TAFA1: variants seen among roughly 807,000 people sequenced by gnomAD.
TAFA1 encodes TAFA chemokine like family member 1.
Under a neutral mutation model 18.5 loss-of-function variants are expected in TAFA1, and 4 were observed. The observed-to-expected ratio is 0.22, with a 90% CI of 0.11 to 0.49. TAFA1 has a LOEUF of 0.49. TAFA1 is among the 20% of genes least tolerant of loss of function. The pLI, the probability that TAFA1 is intolerant of heterozygous loss-of-function variation, is 0.98. For missense variants in TAFA1, 147 were observed against 169.0 expected, an observed-to-expected ratio of 0.87 and a Z score of 0.72; for synonymous variants, 56 against 55.2, an observed-to-expected ratio of 1.01 and a Z score of -0.06.
intron 2 of TAFA1, among the ~76,000 whole-genome samples, chr3:68,097,359 A>G (rs1575614532): frequency 6.6e-6 from 1 of 152,092 alleles, no homozygotes; most frequent in East Asian, 1.9e-4. Context: ...GTTTGTTTCT[A>G]CTTATGTGAG....
chr3:68,418,265 G>A (rs778941472), intron 3 of TAFA1, among the ~76,000 whole-genome samples: 12 of 152,166 alleles, frequency 7.9e-5, no homozygotes, highest in Middle Eastern at 3.4e-3. Context: ...TAAGGGTGGG[G>A]CCGTTTTATA....
chr3:68,024,380 C>G (rs1704766765), intron 2 of TAFA1, among the ~76,000 whole-genome samples: 2 of 152,240 alleles, frequency 1.3e-5, no homozygotes, highest in South Asian at 4.1e-4. Context: ...TTTTCAAACC[C>G]TACGAGTATG....
chr3:68,062,869 T>C (rs1011768928), intron 2 of TAFA1, among the ~76,000 whole-genome samples: 7 of 152,138 alleles, frequency 4.6e-5, no homozygotes, highest in Admixed American at 3.9e-4. Flanking sequence ...TCTGGGGAAA[T>C]AGTGACACCA....
At chr3:68,471,892 C>T (rs777303651) in intron 3 of TAFA1, among the ~76,000 whole-genome samples, 8 of 152,142 alleles carry the variant, frequency 5.3e-5, no homozygotes, top group Non-Finnish European at 1.0e-4. Context: ...TGAGTGTACC[C>T]CCATTGTATC....
intron 2 of TAFA1, among the ~76,000 whole-genome samples, chr3:68,251,437 A>T (rs1441765861): frequency 2.0e-5 from 3 of 152,202 alleles, no homozygotes; most frequent in Non-Finnish European, 4.4e-5. Flanking sequence ...TTTTCATTTC[A>T]TTCATTCATT....
rs116068364 is a variant in TAFA1 at position 68,447,127 on chromosome 3, G to C, written c.259+29707G>C. Among the ~76,000 whole-genome samples the C allele has an allele frequency of 9.7e-3, 1,476 of 152,264 alleles. 10 individuals are homozygous for C. The highest frequency in any genetic ancestry group is 0.015 in the Non-Finnish European group (1,031 of 68,006). On this transcript the variant is annotated intron_variant, in intron 3 of 4. Transcript: ENST00000478136. ...ATATTTTAAAAGTGGGTAAAGAAAAGTGAGCTAGCATTTGTTAAATATCCA... is the reference window on the plus strand; with the variant it reads ...ATATTTTAAAAGTGGGTAAAGAAAACTGAGCTAGCATTTGTTAAATATCCA...
At chr3:68,363,595 A>G (rs560119400) in intron 2 of TAFA1, among the ~76,000 whole-genome samples, 1 of 152,174 alleles carries the variant, frequency 6.6e-6, no homozygotes, top group Non-Finnish European at 1.5e-5. Flanking sequence ...GCATTTTTTA[A>G]TTCTTCTAAC....
At chr3:68,120,209 CTT>C (rs1196479990) in intron 2 of TAFA1, among the ~76,000 whole-genome samples, 1 of 115,888 alleles carries the variant, frequency 8.6e-6, no homozygotes, top group African/African-American at 3.6e-5. Context: ...TTCTTTCTTT[CTT>C]TCTTTCTTTC....
chr3:68,319,656 T>C (rs544059955), intron 2 of TAFA1, among the ~76,000 whole-genome samples: 1 of 152,388 alleles, frequency 6.6e-6, no homozygotes, highest in South Asian at 2.1e-4. Flanking sequence ...AAATTCATTC[T>C]TGGCTTTGTC....
upstream of TAFA1, among the ~76,000 whole-genome samples, chr3:68,002,077 G>A (rs1704289529): frequency 6.6e-6 from 1 of 152,152 alleles, no homozygotes; most frequent in African/African-American, 2.4e-5. Flanking sequence ...GTCAGAAGGT[G>A]GAAAGGCTCA....
intron 2 of TAFA1, among the ~76,000 whole-genome samples, chr3:68,352,734 G>A (rs1489407681): frequency 6.6e-6 from 1 of 152,084 alleles, no homozygotes; most frequent in African/African-American, 2.4e-5. Context: ...TGGGATGGCA[G>A]AAGAAAACTG....
At chr3:68,447,926 C>T in intron 3 of TAFA1, among the ~76,000 whole-genome samples, 1 of 152,150 alleles carries the variant, frequency 6.6e-6, no homozygotes, top group East Asian at 1.9e-4. Context: ...TTGGTTAATC[C>T]TGCAATAATC....
chr3:68,114,394 T>A (rs2065301083), intron 2 of TAFA1, among the ~76,000 whole-genome samples: 1 of 152,196 alleles, frequency 6.6e-6, no homozygotes, highest in South Asian at 2.1e-4. Flanking sequence ...GAATAGTTTG[T>A]CACTCAGCAA....
chr3:68,170,525 G>T (rs1335118418), intron 2 of TAFA1, among the ~76,000 whole-genome samples: 1 of 152,218 alleles, frequency 6.6e-6, no homozygotes, highest in African/African-American at 2.4e-5. Flanking sequence ...GATATCCATA[G>T]AGGCATTTGA....
intron 2 of TAFA1, among the ~76,000 whole-genome samples, chr3:68,078,814 T>A (rs1323413801): frequency 6.6e-6 from 1 of 152,272 alleles, no homozygotes; most frequent in African/African-American, 2.4e-5. Flanking sequence ...ATCAGAATGA[T>A]GCTGTCCTCA....
intron 2 of TAFA1, among the ~76,000 whole-genome samples, chr3:68,370,788 T>TG (rs1035098872): frequency 6.1e-5 from 9 of 148,578 alleles, no homozygotes; most frequent in Non-Finnish European, 1.3e-4. Context: ...TTGTTTTTTT[T>TG]TTTTTTTTTT....
intron 2 of TAFA1, among the ~76,000 whole-genome samples, chr3:68,163,721 A>G (rs948860192): frequency 2.0e-5 from 3 of 152,170 alleles, no homozygotes; most frequent in Non-Finnish European, 2.9e-5. Flanking sequence ...TATCCTAAGT[A>G]CCTGGTTTGC....
Position 68,296,598 on chromosome 3 carries a change from C to T in TAFA1, c.119-120682C>T, listed in dbSNP as rs145563379. Among the ~76,000 whole-genome samples, 376 of 151,972 alleles carry T rather than the reference C, an allele frequency of 2.5e-3. 1 individual carries two copies. The highest frequency in any genetic ancestry group is 3.6e-3 in the Non-Finnish European group (242 of 67,986). The stretch of plus-strand genomic sequence containing the variant: ...TCAAAAAAAAAAAAGATAATATCTC[C>T]TGCATAGGCCCTTAACAAACTGGCT... On this transcript the variant is annotated intron_variant, in intron 2 of 4. Transcript: ENST00000478136.
chr3:68,501,785 A>C (rs1417675200), intron 3 of TAFA1, among the ~76,000 whole-genome samples: 2 of 152,202 alleles, frequency 1.3e-5, no homozygotes, highest in Non-Finnish European at 2.9e-5. Flanking sequence ...TCTTTTAGCA[A>C]GGACAGTATC....
Sources: allele counts gnomAD v4.1 joint callset (sites outside exome capture counted in the v4.1 genomes callset), GRCh38; gene constraint gnomAD v4.1.1; transcripts MANE v1.5; gene names NCBI Gene and HGNC (gene_info 2026-07-23, HGNC 2026-07-21).